GNG2: variants seen among roughly 807,000 people sequenced by gnomAD.
GNG2 encodes guanine nucleotide-binding protein G(I)/G(S)/G(O) subunit gamma-2.
GNG2 carries 5 observed loss-of-function variants against 5.5 expected under a neutral mutation model. The observed-to-expected ratio is 0.91, with a 90% CI of 0.48 to 1.92. The LOEUF (loss-of-function observed/expected upper bound fraction) is 1.92. Ranked by LOEUF, GNG2 falls within the 30% of genes most tolerant of loss-of-function variation. GNG2 has a pLI of 0.01. For missense variants in GNG2, 55 were observed against 88.4 expected (o/e 0.62, Z 1.52); for synonymous variants, 28 against 32.0 (o/e 0.88, Z 0.42).
upstream of GNG2, among the ~76,000 whole-genome samples, chr14:51,859,316 C>A (rs888740171): frequency 6.6e-6 from 1 of 152,126 alleles, no homozygotes; most frequent in South Asian, 2.1e-4. Context: ...CCCAAAGTAC[C>A]TTGTGTTAGT....
chr14:51,892,036 A>G (rs944005648), intron 2 of GNG2, among the ~76,000 whole-genome samples: 2 of 152,244 alleles, frequency 1.3e-5, no homozygotes, highest in Admixed American at 1.3e-4. Context: ...CATTAGCAGT[A>G]TAAGAGTTCC....
chr14:51,845,403 A>C (rs1881595810), intron 2 of GNG2, among the ~76,000 whole-genome samples: 1 of 152,180 alleles, frequency 6.6e-6, no homozygotes, highest in South Asian at 2.1e-4. Flanking sequence ...CTGAGGTGGG[A>C]GGATTGACTG....
intron 2 of GNG2, among the ~76,000 whole-genome samples, chr14:51,846,098 T>C (rs1881617280): frequency 6.6e-6 from 1 of 152,212 alleles, no homozygotes; most frequent in Admixed American, 6.5e-5. Flanking sequence ...TCCTACTAGA[T>C]TCAGTTTTTA....
intron 2 of GNG2, among the ~76,000 whole-genome samples, chr14:51,909,967 G>T (rs1298791193): frequency 6.6e-6 from 1 of 152,140 alleles, no homozygotes; most frequent in Admixed American, 6.5e-5. Flanking sequence ...CCAGGACTCT[G>T]AAAGAATGGA....
At chr14:51,906,500 T>A (rs1237728967) in intron 2 of GNG2, among the ~76,000 whole-genome samples, 1 of 152,202 alleles carries the variant, frequency 6.6e-6, no homozygotes, top group Non-Finnish European at 1.5e-5. Context: ...TTTTTAACCT[T>A]GCATTGGCAT....
At chr14:51,884,254 G>A (rs549665248) in intron 2 of GNG2, among the ~76,000 whole-genome samples, 1 of 152,320 alleles carries the variant, frequency 6.6e-6, no homozygotes, top group African/African-American at 2.4e-5. Flanking sequence ...CCAAAGTGAT[G>A]CTAGCAGAGA....
intron 1 of GNG2, among the ~76,000 whole-genome samples, chr14:51,872,575 A>T (rs1445626722): frequency 2.6e-5 from 4 of 152,198 alleles, no homozygotes; most frequent in Non-Finnish European, 5.9e-5. Context: ...CCTCTCACTG[A>T]CAGCCTTACC....
chr14:51,874,261 T>C (rs891408231), intron 1 of GNG2, among the ~76,000 whole-genome samples: 2 of 151,890 alleles, frequency 1.3e-5, no homozygotes, highest in African/African-American at 2.4e-5. Context: ...CCTTCTCTAC[T>C]AAAAATACAA....
In GNG2 at chr14:51,891,627, GT is replaced by G. The variant is rs1212238641; in HGVS notation, c.-30+13973del. The stretch of plus-strand genomic sequence containing the variant: ...TTTATTTATCACTTCCCTGCATATG[GT>G]TTAGTTTCACCTGTTTTAGAACTTT... On this transcript the variant is annotated intron_variant, in intron 2 of 3. Transcript: ENST00000556766. 3.3e-5 allele frequency among the ~76,000 whole-genome samples: 5 copies of G among 152,134 alleles called. No homozygotes were observed. In the East Asian group the frequency reaches 9.6e-4, roughly 29 times the overall value.
chr14:51,910,412 A>C (rs749021395), intron 2 of GNG2, among the ~76,000 whole-genome samples: 5 of 152,244 alleles, frequency 3.3e-5, no homozygotes, highest in Non-Finnish European at 5.9e-5. Context: ...CAAATCATAA[A>C]GGACCGATAC....
chr14:51,923,174 C>T lies in GNG2; in HGVS notation c.-29-27476C>T, dbSNP rs569622934. Reference sequence around the variant, plus strand: ...AAGGCTTTTTTCTGTTGTGGACTGGCGAATTGCTGCCATGATAAGCTGATG... The same window carrying T: ...AAGGCTTTTTTCTGTTGTGGACTGGTGAATTGCTGCCATGATAAGCTGATG... On this transcript the variant is annotated intron_variant, in intron 2 of 3. Transcript: ENST00000556766. Among the ~76,000 whole-genome samples, 28 of 152,224 alleles carry T rather than the reference C, an allele frequency of 1.8e-4. No individual in the cohort carries two copies. The South Asian group carries it at 2.9e-3, about 16-fold the overall frequency.
intron 2 of GNG2, among the ~76,000 whole-genome samples, chr14:51,949,321 A>G (rs984476362): frequency 6.7e-5 from 10 of 149,540 alleles, no homozygotes; most frequent in African/African-American, 2.5e-4. Flanking sequence ...CTACCAAAAG[A>G]GATAATTTAT....
intron 2 of GNG2, among the ~76,000 whole-genome samples, chr14:51,844,048 G>T (rs1176265968): frequency 6.6e-6 from 1 of 152,152 alleles, no homozygotes; most frequent in Non-Finnish European, 1.5e-5. Flanking sequence ...CTGGCTGTGT[G>T]TTCTCTTCTC....
chr14:51,945,252 A>G (rs1888576427), intron 2 of GNG2, among the ~76,000 whole-genome samples: 1 of 152,212 alleles, frequency 6.6e-6, no homozygotes, highest in Non-Finnish European at 1.5e-5. Flanking sequence ...TATTCACAGT[A>G]GTCATAGTAG....
upstream of GNG2, among the ~76,000 whole-genome samples, chr14:51,859,852 G>C (rs535554607): frequency 2.1e-4 from 32 of 152,288 alleles, no homozygotes; most frequent in East Asian, 4.2e-3. Flanking sequence ...TCTCTGTTGG[G>C]AATGTGCAGC....
At chr14:51,914,948 T>A (rs1228169017) in intron 2 of GNG2, among the ~76,000 whole-genome samples, 1 of 152,224 alleles carries the variant, frequency 6.6e-6, no homozygotes. Context: ...TCATGTACAC[T>A]GTCATCAGGC....
chr14:51,864,273 G>T (rs1198325041), intron 1 of GNG2, among the ~76,000 whole-genome samples: 1 of 152,062 alleles, frequency 6.6e-6, no homozygotes, highest in Non-Finnish European at 1.5e-5. Flanking sequence ...TAGTGATGTT[G>T]AGCATCTTTT....
intron 2 of GNG2, chr14:51,940,166 A>G (rs1478634035): frequency 2.0e-5 from 3 of 152,392 alleles, no homozygotes; most frequent in Admixed American, 6.5e-5. Flanking sequence ...GAGAAGCACT[A>G]AAAAGAAGAG....
At chr14:51,920,823 A>G (rs1886973809) in intron 2 of GNG2, among the ~76,000 whole-genome samples, 1 of 152,198 alleles carries the variant, frequency 6.6e-6, no homozygotes, top group Admixed American at 6.5e-5. Flanking sequence ...ATGAATTTCC[A>G]TAGCCCCAAT....
Sources: allele counts gnomAD v4.1 joint callset (sites outside exome capture counted in the v4.1 genomes callset), GRCh38; gene constraint gnomAD v4.1.1; transcripts MANE v1.5; gene names NCBI Gene and HGNC (gene_info 2026-07-23, HGNC 2026-07-21).